Variants in MDGA2 observed in about 807,000 individuals in gnomAD.
MDGA2 encodes the protein MAM domain-containing glycosylphosphatidylinositol anchor protein 2.
MDGA2 carries 40 observed loss-of-function variants against 117.8 expected under a neutral mutation model. The observed-to-expected ratio is 0.34, with a 90% confidence interval of 0.26 to 0.44. MDGA2 has a LOEUF of 0.44. Ranked by LOEUF, MDGA2 falls within the 20% of genes least tolerant of loss-of-function variation. The probability of loss-of-function intolerance (pLI) is 1.00; values close to 1 mark genes in which losing one functional copy is unlikely to be tolerated. For synonymous variants in MDGA2, 452 were observed against 439.0 expected (o/e 1.03, Z -0.37); for missense variants, 1,123 against 1,250.6 (o/e 0.90, Z 1.54).
chr14:47,454,868 A>G (rs1594865342), intron 1 of MDGA2, among the ~76,000 whole-genome samples: 1 of 151,124 alleles, frequency 6.6e-6, no homozygotes, highest in African/African-American at 2.4e-5. Flanking sequence ...TTGAGAAAAG[A>G]TTAAATATGA....
chr14:47,314,796 C>T (rs4542575), intron 1 of MDGA2, among the ~76,000 whole-genome samples: 17,008 of 151,936 alleles, frequency 0.11, 1,025 homozygotes, highest in East Asian at 0.18. Flanking sequence ...AGCCATAAAG[C>T]ATTGGATTAA....
At chr14:47,181,445 C>T (rs1884702184) in intron 3 of MDGA2, among the ~76,000 whole-genome samples, 1 of 151,902 alleles carries the variant, frequency 6.6e-6, no homozygotes, top group African/African-American at 2.4e-5. Context: ...ACTATGCAGT[C>T]ATAAAAACAA....
rs924159319 is a variant in MDGA2, at chr14:46,884,845, C to T, written c.2239-2624G>A. Among the ~76,000 whole-genome samples, 2 of 148,382 alleles carry T rather than the reference C, an allele frequency of 1.3e-5. No individual in the cohort carries two copies. Among genetic ancestry groups the T allele is most frequent in the South Asian group, 2.2e-4 (1 of 4,618 alleles). ...TATTATGATCTCAGGTAATACATTA[C>T]TTTCTTTTTTGTTTTTTTTCTGAGA... On this transcript the variant is annotated intron_variant, in intron 10 of 16. Coordinates refer to ENST00000399232, the MANE Select transcript of MDGA2 (RefSeq NM_001113498.3). The surrounding 1 kb of genome is among the most constrained non-coding windows in gnomAD (Gnocchi z 4.1).
chr14:47,195,464 G>A (rs889033121), intron 3 of MDGA2, among the ~76,000 whole-genome samples: 5 of 151,962 alleles, frequency 3.3e-5, no homozygotes, highest in Admixed American at 6.6e-5. Flanking sequence ...TGTGTTTGAT[G>A]AACTGGTTTT....
intron 2 of MDGA2, among the ~76,000 whole-genome samples, chr14:47,282,678 CAG>C (rs893544461): frequency 6.8e-6 from 1 of 147,016 alleles, no homozygotes; most frequent in Admixed American, 6.8e-5. Flanking sequence ...GCCTGGGTGA[CAG>C]AGCAAGAATG....
chr14:47,663,398 T>G (rs1005962893), intron 1 of MDGA2, among the ~76,000 whole-genome samples: 1 of 152,214 alleles, frequency 6.6e-6, no homozygotes, highest in Non-Finnish European at 1.5e-5. Flanking sequence ...TATACTTGAC[T>G]AATATTGAGT....
chr14:47,507,462 A>C (rs950429767), intron 1 of MDGA2, among the ~76,000 whole-genome samples: 1 of 152,218 alleles, frequency 6.6e-6, no homozygotes, highest in Non-Finnish European at 1.5e-5. Context: ...AATTGTAAAG[A>C]GTGTACAAAA....
At chr14:47,428,737 C>A (rs559461808) in intron 1 of MDGA2, among the ~76,000 whole-genome samples, 5 of 151,702 alleles carry the variant, frequency 3.3e-5, no homozygotes, top group African/African-American at 9.7e-5. Flanking sequence ...CACACATATA[C>A]GTGTTACACA....
At chr14:47,589,064 C>G (rs933305759) in intron 1 of MDGA2, among the ~76,000 whole-genome samples, 3 of 151,888 alleles carry the variant, frequency 2.0e-5, no homozygotes, top group Non-Finnish European at 2.9e-5. Flanking sequence ...CCTAGATAAT[C>G]AAGGATTATC....
chr14:47,404,817 T>C lies in MDGA2; in HGVS notation c.281-103267A>G, dbSNP rs1892228209. Among the ~76,000 whole-genome samples, 4 of 152,106 alleles carry C rather than the reference T, an allele frequency of 2.6e-5. No homozygotes were observed. In the South Asian group the frequency reaches 8.3e-4, roughly 31 times the overall value. On this transcript the variant is annotated intron_variant, in intron 1 of 16. Coordinates refer to ENST00000399232, the MANE Select transcript of MDGA2 (RefSeq NM_001113498.3). ...CCTACCTATCATTTTTAAGCTATAA[T>C]AGGATTGTTGGTTTATTTGCCTTAT...
Position 47,097,270 on chromosome 14 carries a change from A to C in MDGA2, c.926-147T>G. 5.3e-6 allele frequency: 4 copies of C among 754,760 alleles called. 1 individual carries two copies. The South Asian group carries it at 8.0e-5, about 15-fold the overall frequency. The allele number at this position is 754,760 out of a possible 1,614,324, so 46.8% of individuals were successfully genotyped here. ...ATCATACTGTATTACTCAAATTTAAACAAGATTTAATGGTTTCATATTTTA... is the reference window on the plus strand; with the variant it reads ...ATCATACTGTATTACTCAAATTTAACCAAGATTTAATGGTTTCATATTTTA... On this transcript the variant is annotated intron_variant, in intron 5 of 16. Coordinates refer to ENST00000399232, the MANE Select transcript of MDGA2 (RefSeq NM_001113498.3).
chr14:47,227,657 T>G (rs888825279), intron 2 of MDGA2, among the ~76,000 whole-genome samples: 3 of 148,746 alleles, frequency 2.0e-5, no homozygotes, highest in Admixed American at 6.7e-5. Context: ...CAGTAATGAT[T>G]AAAAAAAAAA....
chr14:47,386,567 C>G (rs1338873850), intron 1 of MDGA2, among the ~76,000 whole-genome samples: 1 of 152,040 alleles, frequency 6.6e-6, no homozygotes, highest in Non-Finnish European at 1.5e-5. Context: ...GTGAGCCCTG[C>G]TGAAAAGTAC....
intron 1 of MDGA2, among the ~76,000 whole-genome samples, chr14:47,340,399 T>C (rs1310584916): frequency 6.6e-6 from 1 of 151,998 alleles, no homozygotes; most frequent in Non-Finnish European, 1.5e-5. Flanking sequence ...AAATGAAAAA[T>C]AAAAAATAGC....
chr14:47,508,379 C>T (rs1189933033), intron 1 of MDGA2, among the ~76,000 whole-genome samples: 2 of 150,558 alleles, frequency 1.3e-5, no homozygotes, highest in Admixed American at 6.7e-5. Flanking sequence ...CTCTCTCTCT[C>T]TCTGTATATA....
intron 1 of MDGA2, among the ~76,000 whole-genome samples, chr14:47,616,879 AAATT>A (rs1309565715): frequency 6.6e-6 from 1 of 152,178 alleles, no homozygotes; most frequent in Non-Finnish European, 1.5e-5. Context: ...ATTTAAATTA[AAATT>A]AATTAAAATT....
At chr14:47,426,292 A>AT (rs993568294) in intron 1 of MDGA2, among the ~76,000 whole-genome samples, 6 of 151,948 alleles carry the variant, frequency 3.9e-5, no homozygotes, top group Non-Finnish European at 7.4e-5. Flanking sequence ...TCTAATGGTG[A>AT]TTTTTTTTAC....
chr14:46,918,983 C>T (rs545459420), intron 10 of MDGA2, among the ~76,000 whole-genome samples: 3 of 152,106 alleles, frequency 2.0e-5, no homozygotes, highest in Admixed American at 2.0e-4. Context: ...AGGATGGTCT[C>T]AATCTCCTGA....
chr14:47,653,468 TGGAGG>T, intron 1 of MDGA2, among the ~76,000 whole-genome samples: 1 of 152,226 alleles, frequency 6.6e-6, no homozygotes, highest in African/African-American at 2.4e-5. Flanking sequence ...TGGTTATCTC[TGGAGG>T]CTACCCACGC....
Sources: gnomAD v4.1 joint callset for allele counts (sites outside exome capture counted in the v4.1 genomes callset) on GRCh38, gnomAD v4.1.1 for gene constraint, Gnocchi (gnomAD v3.1) non-coding constraint, MANE v1.5 for transcripts, NCBI Gene and HGNC (gene_info 2026-07-23, HGNC 2026-07-21) for gene names.